Variants in RAD51B observed in about 807,000 individuals in gnomAD.
The protein encoded by RAD51B is RAD51 paralog B.
In RAD51B, 38 loss-of-function variants were observed where a neutral mutation model predicts 42.2. The observed-to-expected ratio is 0.90, with a 90% CI of 0.70 to 1.18. RAD51B has a LOEUF of 1.18. Ranked by LOEUF, RAD51B falls within the 50% of genes most tolerant of loss-of-function variation. The pLI, the probability that RAD51B is intolerant of heterozygous loss-of-function variation, is 0.00. For synonymous variants in RAD51B, 154 were observed against 145.2 expected (o/e 1.06, Z -0.43); for missense variants, 373 against 400.7 (o/e 0.93, Z 0.59).
At chr14:68,256,824 T>G (rs953083120) in intron 7 of RAD51B, among the ~76,000 whole-genome samples, 2 of 152,172 alleles carry the variant, frequency 1.3e-5, no homozygotes, top group African/African-American at 4.8e-5. Context: ...AGGAAGCGAT[T>G]GAATAGAATC....
At chr14:68,170,778 A>G (rs1161389980) in intron 7 of RAD51B, among the ~76,000 whole-genome samples, 1 of 152,218 alleles carries the variant, frequency 6.6e-6, no homozygotes, top group East Asian at 1.9e-4. Context: ...TAGATGTTGG[A>G]CATTTAGGCT....
intron 8 of RAD51B, among the ~76,000 whole-genome samples, chr14:68,409,293 T>C (rs1275568054): frequency 6.6e-6 from 1 of 152,004 alleles, no homozygotes; most frequent in Non-Finnish European, 1.5e-5. Context: ...AAGGGGAAAA[T>C]GAAAAGTTAG....
chr14:68,086,045 G>A (rs541440548), intron 7 of RAD51B, among the ~76,000 whole-genome samples: 3 of 152,322 alleles, frequency 2.0e-5, no homozygotes, highest in African/African-American at 7.2e-5. Flanking sequence ...CAAGGACAGA[G>A]GGCTTTCTGT....
At chr14:67,987,023 C>T (rs1298818735) in intron 7 of RAD51B, among the ~76,000 whole-genome samples, 11 of 152,186 alleles carry the variant, frequency 7.2e-5, no homozygotes, top group East Asian at 3.9e-4. Context: ...TGAGCCACCA[C>T]GCCTGGCCCC....
At chr14:68,363,988 G>T (rs982341532) in intron 8 of RAD51B, among the ~76,000 whole-genome samples, 9 of 152,196 alleles carry the variant, frequency 5.9e-5, no homozygotes, top group Admixed American at 6.5e-5. Flanking sequence ...GCCCACACGC[G>T]CCCCAGTGAG....
At chr14:68,037,641 A>T (rs1395624429) in intron 7 of RAD51B, among the ~76,000 whole-genome samples, 1 of 152,212 alleles carries the variant, frequency 6.6e-6, no homozygotes, top group East Asian at 1.9e-4. Context: ...AGGTTAGCAC[A>T]AATGTCTTGC....
At chr14:68,439,413 C>T (rs2085230419) in intron 9 of RAD51B, among the ~76,000 whole-genome samples, 2 of 152,200 alleles carry the variant, frequency 1.3e-5, no homozygotes, top group South Asian at 2.1e-4. Flanking sequence ...TTCATTTCAG[C>T]TCTTCTAACA....
At chr14:68,059,753 C>A (rs2076539956) in intron 7 of RAD51B, among the ~76,000 whole-genome samples, 1 of 152,020 alleles carries the variant, frequency 6.6e-6, no homozygotes, top group African/African-American at 2.4e-5. Flanking sequence ...TGTCTTTTTC[C>A]CTCAGGAGAT....
intron 10 of RAD51B, chr14:68,540,190 T>TTTTA: frequency 1.1e-6 from 1 of 937,442 alleles, no homozygotes; most frequent in Non-Finnish European, 1.3e-6. Context: ...TTTTTTTTTT[T>TTTTA]TAAATACAGG....
intron 7 of RAD51B, among the ~76,000 whole-genome samples, chr14:68,193,002 A>T (rs961350119): frequency 6.6e-6 from 1 of 152,208 alleles, no homozygotes; most frequent in Admixed American, 6.5e-5. Context: ...GAGACACTCA[A>T]AATGTTTCCA....
chr14:67,832,573 GT>G (rs1407100372), intron 3 of RAD51B, among the ~76,000 whole-genome samples: 1 of 151,982 alleles, frequency 6.6e-6, no homozygotes, highest in Admixed American at 6.6e-5. Context: ...CTTAGTCTCA[GT>G]TTTTTTACCA....
intron 10 of RAD51B, among the ~76,000 whole-genome samples, chr14:68,603,040 G>A (rs1282936343): frequency 6.6e-6 from 1 of 152,136 alleles, no homozygotes; most frequent in Non-Finnish European, 1.5e-5. Context: ...CCATTTTGAG[G>A]GCCTAATGTC....
intron 8 of RAD51B, among the ~76,000 whole-genome samples, chr14:68,376,318 AC>A (rs2083369438): frequency 6.6e-6 from 1 of 152,180 alleles, no homozygotes; most frequent in Non-Finnish European, 1.5e-5. Context: ...CAAATTAAAA[AC>A]AAAAAACAAC....
chr14:68,297,374 G>A (rs1034354230), intron 8 of RAD51B, among the ~76,000 whole-genome samples: 2 of 152,162 alleles, frequency 1.3e-5, no homozygotes, highest in African/African-American at 4.8e-5. Flanking sequence ...AAACACTGGT[G>A]TTTCTACTTA....
intron 8 of RAD51B, among the ~76,000 whole-genome samples, chr14:68,384,385 C>T (rs559141902): frequency 2.4e-4 from 37 of 152,306 alleles, no homozygotes; most frequent in Admixed American, 2.1e-3. Context: ...TATGTCCTGG[C>T]TGGCCTTGTT....
At chr14:68,594,658 G>C in exon 11 of RAD51B, 1 of 1,277,782 alleles carries the variant, frequency 7.8e-7, no homozygotes, top group East Asian at 4.0e-5. Flanking sequence ...CAAACTCCTG[G>C]CTTCAAGAGA....
At chr14:67,881,766 T>C (rs759645603) in intron 5 of RAD51B, among the ~76,000 whole-genome samples, 3 of 152,242 alleles carry the variant, frequency 2.0e-5, no homozygotes, top group Non-Finnish European at 2.9e-5. Context: ...GATTTTCTAC[T>C]TATTATTTTA....
chr14:68,492,809 C>T (rs1479682424), intron 10 of RAD51B, among the ~76,000 whole-genome samples: 1 of 152,168 alleles, frequency 6.6e-6, no homozygotes, highest in East Asian at 1.9e-4. Flanking sequence ...TCATACCAAG[C>T]CTGGCATGTA....
At chr14:67,905,957 C>T (rs1418877207) in intron 7 of RAD51B, among the ~76,000 whole-genome samples, 5 of 152,064 alleles carry the variant, frequency 3.3e-5, no homozygotes, top group African/African-American at 7.3e-5. Context: ...TAAGTGTGGG[C>T]ATCCTTGCCT....
Sources: gnomAD v4.1 joint callset for allele counts (sites outside exome capture counted in the v4.1 genomes callset) on GRCh38, gnomAD v4.1.1 for gene constraint, MANE v1.5 for transcripts, NCBI Gene and HGNC (gene_info 2026-07-23, HGNC 2026-07-21) for gene names.